The following RHOJ variants were observed in gnomAD, a reference collection of about 807,000 sequenced individuals.
The protein encoded by RHOJ is rho-related GTP-binding protein RhoJ.
A neutral mutation model predicts 23.4 loss-of-function variants in RHOJ; 11 were observed. The ratio of observed to expected loss-of-function variants is 0.47; its 90% CI spans 0.30 to 0.78. RHOJ has a LOEUF of 0.78. RHOJ is among the 30% of genes least tolerant of loss of function. The pLI, the probability that RHOJ is intolerant of heterozygous loss-of-function variation, is 0.08. For missense variants in RHOJ, 254 were observed against 273.4 expected (o/e 0.93, Z 0.50); for synonymous variants, 102 against 102.7 (o/e 0.99, Z 0.04).
At chr14:63,250,853 G>C (rs1895058075) in intron 1 of RHOJ, among the ~76,000 whole-genome samples, 1 of 151,972 alleles carries the variant, frequency 6.6e-6, no homozygotes. Flanking sequence ...CGCCAATATG[G>C]AGAAACCCCA....
chr14:63,207,000 C>CTCAT (rs1433665447), intron 1 of RHOJ, among the ~76,000 whole-genome samples: 1 of 151,470 alleles, frequency 6.6e-6, no homozygotes, highest in East Asian at 1.9e-4. Context: ...ACATCTAGGA[C>CTCAT]TGTAATGAAG....
At chr14:63,263,315 C>T (rs747491985) in intron 1 of RHOJ, among the ~76,000 whole-genome samples, 2 of 152,166 alleles carry the variant, frequency 1.3e-5, no homozygotes, top group Non-Finnish European at 2.9e-5. Context: ...GCAGGTGTGA[C>T]TGACTGATTT....
intron 1 of RHOJ, among the ~76,000 whole-genome samples, chr14:63,224,951 C>CTTTTTTT (rs34008880): frequency 8.8e-6 from 1 of 113,824 alleles, no homozygotes. Flanking sequence ...ATCATTTATA[C>CTTTTTTT]TTTTTTTTTT....
intron 1 of RHOJ, among the ~76,000 whole-genome samples, chr14:63,245,636 A>C (rs573376672): frequency 6.6e-6 from 1 of 152,186 alleles, no homozygotes; most frequent in African/African-American, 2.4e-5. Flanking sequence ...CCAGGATGAC[A>C]GAGCAAGACC....
intron 2 of RHOJ, among the ~76,000 whole-genome samples, chr14:63,277,847 G>T (rs1324007145): frequency 6.6e-6 from 1 of 152,152 alleles, no homozygotes; most frequent in African/African-American, 2.4e-5. Flanking sequence ...AGAGAGAAAA[G>T]AGAGAAGTGG....
At chr14:63,269,916 G>C (rs1895436140) in intron 2 of RHOJ, among the ~76,000 whole-genome samples, 1 of 152,194 alleles carries the variant, frequency 6.6e-6, no homozygotes, top group Non-Finnish European at 1.5e-5. Context: ...AGTTTCTCAA[G>C]TTCTAATGTT....
intron 1 of RHOJ, among the ~76,000 whole-genome samples, chr14:63,260,273 T>C (rs1895249670): frequency 6.6e-6 from 1 of 152,232 alleles, no homozygotes; most frequent in Admixed American, 6.5e-5. Flanking sequence ...TTCATCATAG[T>C]TTTCTGAAAA....
At chr14:63,260,445 A>G (rs1244367849) in intron 1 of RHOJ, among the ~76,000 whole-genome samples, 1 of 152,230 alleles carries the variant, frequency 6.6e-6, no homozygotes, top group African/African-American at 2.4e-5. Context: ...GAGAAATGAT[A>G]GAATTTAAGT....
chr14:63,273,743 G>A (rs572639479), intron 2 of RHOJ, among the ~76,000 whole-genome samples: 11 of 152,342 alleles, frequency 7.2e-5, no homozygotes, highest in African/African-American at 1.2e-4. Flanking sequence ...GGCCTCTTGG[G>A]CAAGACTCTA....
intron 1 of RHOJ, among the ~76,000 whole-genome samples, chr14:63,215,226 T>C (rs1894328770): frequency 6.6e-6 from 1 of 152,212 alleles, no homozygotes; most frequent in Non-Finnish European, 1.5e-5. Context: ...TAGGTCTTCC[T>C]GAAAGAAAGA....
chr14:63,225,690 AC>A, intron 1 of RHOJ, among the ~76,000 whole-genome samples: 1 of 152,348 alleles, frequency 6.6e-6, no homozygotes, highest in East Asian at 1.9e-4. Context: ...CAAAAAAACA[AC>A]AGAATTCACA....
chr14:63,235,437 G>C (rs1291125042), intron 1 of RHOJ, among the ~76,000 whole-genome samples: 2 of 152,108 alleles, frequency 1.3e-5, no homozygotes, highest in African/African-American at 2.4e-5. Flanking sequence ...TTATCTAAGA[G>C]AGTGCTCTTA....
intron 1 of RHOJ, among the ~76,000 whole-genome samples, chr14:63,260,283 A>C (rs1396340606): frequency 6.6e-6 from 1 of 152,232 alleles, no homozygotes; most frequent in Non-Finnish European, 1.5e-5. Flanking sequence ...TTTTCTGAAA[A>C]AGATGAGTTG....
rs1040784247 is a variant in RHOJ, at chr14:63,269,170, T to C, written c.237+2T>C. 3.1e-6 allele frequency: 5 copies of C among 1,609,092 alleles called. No homozygotes were observed. The highest frequency in any genetic ancestry group is 2.2e-5 in the East Asian group (1 of 44,862). ...GGACTGTATGACACCGCGGGACAGG[T>C]ACATTTTTATTATCTTGATTCATTG... On this transcript the variant is annotated splice_donor_variant, in intron 2 of 4. Coordinates refer to ENST00000316754, the MANE Select transcript of RHOJ (RefSeq NM_020663.5). LOFTEE classifies it high-confidence loss of function.
intron 1 of RHOJ, among the ~76,000 whole-genome samples, chr14:63,240,609 G>C (rs1164891106): frequency 6.6e-6 from 1 of 152,178 alleles, no homozygotes; most frequent in African/African-American, 2.4e-5. Flanking sequence ...AAGGGAAGGA[G>C]TGGGTGATTG....
intron 2 of RHOJ, among the ~76,000 whole-genome samples, chr14:63,278,396 A>G (rs977565444): frequency 6.6e-6 from 1 of 152,154 alleles, no homozygotes; most frequent in African/African-American, 2.4e-5. Context: ...TGTAGTGTGC[A>G]CATGTGTGTA....
chr14:63,264,525 T>C lies in RHOJ; in HGVS notation c.179-4585T>C, dbSNP rs990387450. ...GGGAGAACAGTTTTTTGGTCTTTGG[T>C]TTTTTTGGATATATACCCAGTAATG... On this transcript the variant is annotated intron_variant, in intron 1 of 4. Transcript: ENST00000316754. Among the ~76,000 whole-genome samples the C allele has an allele frequency of 2.6e-5, 4 of 152,192 alleles. No homozygotes were observed. In the South Asian group the frequency reaches 8.3e-4, roughly 31 times the overall value.
intron 1 of RHOJ, among the ~76,000 whole-genome samples, chr14:63,214,324 G>A (rs980449867): frequency 1.3e-5 from 2 of 152,184 alleles, no homozygotes; most frequent in Non-Finnish European, 2.9e-5. Context: ...AACCCATTTA[G>A]ATATCACAAA....
At chr14:63,250,168 T>C (rs905099876) in intron 1 of RHOJ, among the ~76,000 whole-genome samples, 61 of 152,264 alleles carry the variant, frequency 4.0e-4, no homozygotes, top group African/African-American at 1.4e-3. Flanking sequence ...CTATAAAATA[T>C]AAAAGCTCTG....
Sources: gnomAD v4.1 joint callset for allele counts (sites outside exome capture counted in the v4.1 genomes callset) on GRCh38, gnomAD v4.1.1 for gene constraint, MANE v1.5 for transcripts, NCBI Gene and HGNC (gene_info 2026-07-23, HGNC 2026-07-21) for gene names.